AKAP6: variants seen among roughly 807,000 people sequenced by gnomAD.
AKAP6 encodes the protein A-kinase anchor protein 6.
In AKAP6, 58 loss-of-function variants were observed where a neutral mutation model predicts 188.5. The ratio of observed to expected loss-of-function variants is 0.31; its 90% CI spans 0.25 to 0.38. The LOEUF is 0.38. AKAP6 is among the 10% of genes least tolerant of loss of function. AKAP6 has a pLI of 1.00. For synonymous variants in AKAP6, 989 were observed against 998.6 expected, an observed-to-expected ratio of 0.99 and a Z score of 0.18; for missense variants, 2,710 against 2,740.0, an observed-to-expected ratio of 0.99 and a Z score of 0.24.
At chr14:32,439,072 G>A (rs1721862146) in intron 2 of AKAP6, 1 of 152,198 alleles carries the variant, frequency 6.6e-6, no homozygotes, top group East Asian at 1.9e-4. Context: ...CTCCACATGA[G>A]ATTTGGGTCT....
intron 2 of AKAP6, among the ~76,000 whole-genome samples, chr14:32,518,052 G>A (rs185190019): frequency 6.6e-6 from 1 of 152,294 alleles, no homozygotes; most frequent in East Asian, 1.9e-4. Flanking sequence ...TTGCTGTTCT[G>A]CAGCCTGTGC....
At chr14:32,532,877 G>A (rs982331953) in intron 2 of AKAP6, among the ~76,000 whole-genome samples, 3 of 152,310 alleles carry the variant, frequency 2.0e-5, no homozygotes, top group Middle Eastern at 3.4e-3. Context: ...ATGCTAGCAG[G>A]AGGGTAGTAT....
At chr14:32,651,688 T>C (rs535092780) in intron 7 of AKAP6, among the ~76,000 whole-genome samples, 1 of 152,274 alleles carries the variant, frequency 6.6e-6, no homozygotes, top group East Asian at 1.9e-4. Context: ...TATATAAGAA[T>C]GCTAAGCCCT....
intron 2 of AKAP6, among the ~76,000 whole-genome samples, chr14:32,434,999 G>A (rs1594610304): frequency 6.6e-6 from 1 of 152,324 alleles, no homozygotes; most frequent in East Asian, 1.9e-4. Context: ...ACAGAGAGAT[G>A]GCTAGGAATT....
intron 9 of AKAP6, among the ~76,000 whole-genome samples, chr14:32,724,990 TAAA>T (rs71432079): frequency 5.7e-3 from 198 of 34,896 alleles, no homozygotes; most frequent in Admixed American, 0.014. Flanking sequence ...ATATTCAACC[TAAA>T]AAAAAAAAAA....
chr14:32,609,744 T>C (rs115865041), intron 7 of AKAP6, among the ~76,000 whole-genome samples: 3,859 of 152,154 alleles, frequency 0.025, 178 homozygotes, highest in African/African-American at 0.089. Context: ...GAACGAAGCA[T>C]GTGTCCAGTG....
At chr14:32,353,683 T>C (rs1290054183) in intron 1 of AKAP6, among the ~76,000 whole-genome samples, 6 of 152,174 alleles carry the variant, frequency 3.9e-5, no homozygotes, top group Non-Finnish European at 2.9e-5. Flanking sequence ...TGTTTGCAGA[T>C]GACATGATTG....
chr14:32,404,711 T>TATATATATATATATATATATA (rs1555325855), intron 1 of AKAP6, among the ~76,000 whole-genome samples: 111 of 128,392 alleles, frequency 8.6e-4, no homozygotes, highest in South Asian at 1.8e-3. Context: ...TATATATATA[T>TATATATATATATATATATATA]TAGTCAGAAT....
chr14:32,338,617 A>G (rs933291956), intron 1 of AKAP6, among the ~76,000 whole-genome samples: 1 of 152,114 alleles, frequency 6.6e-6, no homozygotes, highest in Admixed American at 6.6e-5. Flanking sequence ...CTGACACCCT[A>G]TACCTAAACA....
intron 1 of AKAP6, among the ~76,000 whole-genome samples, chr14:32,371,165 T>G (rs1887992682): frequency 6.6e-6 from 1 of 152,188 alleles, no homozygotes; most frequent in African/African-American, 2.4e-5. Context: ...GTAAGACATA[T>G]GCACCATAAC....
intron 4 of AKAP6, 145 bp downstream of exon 4, chr14:32,547,144 C>A: frequency 2.4e-6 from 2 of 829,734 alleles, no homozygotes; most frequent in Non-Finnish European, 3.6e-6. Flanking sequence ...AGAAAAAGCA[C>A]AATGATCAAT....
intron 8 of AKAP6, among the ~76,000 whole-genome samples, chr14:32,679,973 C>T (rs1442043179): frequency 6.6e-6 from 1 of 152,182 alleles, no homozygotes; most frequent in Non-Finnish European, 1.5e-5. Flanking sequence ...GGTGTACATG[C>T]AAGCACAAAC....
chr14:32,341,625 T>C (rs1466184562), intron 1 of AKAP6, among the ~76,000 whole-genome samples: 1 of 152,192 alleles, frequency 6.6e-6, no homozygotes, highest in Non-Finnish European at 1.5e-5. Flanking sequence ...TGAGTTTTGT[T>C]GAGCTTCAGT....
At chr14:32,561,743 C>T (rs961091726) in intron 4 of AKAP6, among the ~76,000 whole-genome samples, 1 of 152,098 alleles carries the variant, frequency 6.6e-6, no homozygotes, top group East Asian at 1.9e-4. Flanking sequence ...GAGACCAGGG[C>T]CAGTGGTGAC....
chr14:32,522,783 G>A lies in AKAP6; in HGVS notation c.325-12771G>A, dbSNP rs144649906. ...CAACCGTTGTGGAAGACAGTGTGGC[G>A]ATTCCTCGGGGATCTAGAACTAGAA... On this transcript the variant is annotated intron_variant, in intron 2 of 13. Coordinates refer to ENST00000280979, the MANE Select transcript of AKAP6 (RefSeq NM_004274.5). Among the ~76,000 whole-genome samples, 276 of 152,260 alleles carry A rather than the reference G, an allele frequency of 1.8e-3. 6 individuals are homozygous for A. The East Asian group carries it at 0.042, about 23-fold the overall frequency.
At chr14:32,825,157 T>A (rs1190870964) in intron 13 of AKAP6, among the ~76,000 whole-genome samples, 3 of 152,198 alleles carry the variant, frequency 2.0e-5, no homozygotes, top group Non-Finnish European at 2.9e-5. Flanking sequence ...ATGATCAAAA[T>A]GCATGCATAG....
At chr14:32,816,469 T>C (rs1461238385) in intron 12 of AKAP6, among the ~76,000 whole-genome samples, 1 of 152,184 alleles carries the variant, frequency 6.6e-6, no homozygotes, top group Non-Finnish European at 1.5e-5. Context: ...GTGCTGGAAT[T>C]ACAAGCACGA....
chr14:32,520,469 A>T (rs1016350715), intron 2 of AKAP6, among the ~76,000 whole-genome samples: 1 of 152,214 alleles, frequency 6.6e-6, no homozygotes, highest in African/African-American at 2.4e-5. Context: ...TAAACAAGAA[A>T]AGAGAGAAGA....
At chr14:32,777,139 G>T (rs1175517621) in intron 12 of AKAP6, among the ~76,000 whole-genome samples, 1 of 152,040 alleles carries the variant, frequency 6.6e-6, no homozygotes, top group African/African-American at 2.4e-5. Context: ...CTCTGGTCTT[G>T]CCCAAAAAAA....
Sources: gnomAD v4.1 joint callset for allele counts (sites outside exome capture counted in the v4.1 genomes callset) on GRCh38, gnomAD v4.1.1 for gene constraint, MANE v1.5 for transcripts, NCBI Gene and HGNC (gene_info 2026-07-23, HGNC 2026-07-21) for gene names.